CD109: variants seen among roughly 807,000 people sequenced by gnomAD.
CD109 encodes the protein CD109 molecule, also known as CD109 antigen.
CD109 carries 149 observed loss-of-function variants against 165.8 expected under a neutral mutation model. The observed-to-expected ratio is 0.90, with a 90% CI of 0.79 to 1.03. The LOEUF (loss-of-function observed/expected upper bound fraction) is 1.03. Ranked by LOEUF, CD109 falls within the 50% of genes least tolerant of loss-of-function variation. The probability of loss-of-function intolerance (pLI) is 0.00; values close to 1 mark genes in which losing one functional copy is unlikely to be tolerated. For missense variants in CD109, 1,712 were observed against 1,677.8 expected (o/e 1.02, Z -0.36); for synonymous variants, 585 against 592.1 (o/e 0.99, Z 0.18).
rs746501980 is a variant in CD109, at chr6:73,730,499, A to T, written c.432A>T (p.Gln144His). Residue 144 changes from glutamine (Q) to histidine (H), a missense_variant, in exon 4 of 33, where the codon CAA becomes CAT. Gln to His is a conservative substitution (Grantham distance 24). Coordinates refer to ENST00000287097, the MANE Select transcript of CD109 (RefSeq NM_133493.5). ...ACAAGGCCTTATACAAGCCAAAGCAAGAAGTGAAGTTTCGCATTGTTACAC... is the reference window on the plus strand; with the variant it reads ...ACAAGGCCTTATACAAGCCAAAGCATGAAGTGAAGTTTCGCATTGTTACAC... ...QTDKALYKPK[Q>H]EVKFRIVTLF... 11 of 1,614,220 alleles carry T rather than the reference A, an allele frequency of 6.8e-6. No homozygotes were observed. Among genetic ancestry groups the T allele is most frequent in the Non-Finnish European group, 1.7e-6 (2 of 1,180,026 alleles).
At chr6:73,779,309 C>T (rs1189997523) in intron 15 of CD109, among the ~76,000 whole-genome samples, 3 of 149,102 alleles carry the variant, frequency 2.0e-5, no homozygotes, top group Non-Finnish European at 3.0e-5. Context: ...AGTGCAATAG[C>T]GCGATCTTGG....
chr6:73,810,957 A>C, intron 27 of CD109, 35 bp from the exon 28 acceptor site: 1 of 1,592,618 alleles, frequency 6.3e-7, no homozygotes, highest in Non-Finnish European at 8.6e-7. Flanking sequence ...CTTGATATAT[A>C]CTTATATGTA....
Position 73,823,565 on chromosome 6 carries a change from C to T in CD109, c.4270C>T (p.His1424Tyr). 6.2e-7 allele frequency: 1 copy of T among 1,613,800 alleles called. No individual in the cohort carries two copies. Among genetic ancestry groups the T allele is most frequent in the Non-Finnish European group, 8.5e-7 (1 of 1,179,852 alleles). The change falls in exon 33 of 33, where the codon CAT (histidine) becomes TAT (tyrosine). Residue 1424 changes from histidine (H) to tyrosine (Y), a missense_variant. By Grantham distance (83) the His-to-Tyr change is moderately conservative. Coordinates refer to ENST00000287097, the MANE Select transcript of CD109 (RefSeq NM_133493.5). ...RPCEDGASGS[H>Y]HHSSVIFIFC... Reference sequence around the variant, plus strand: ...TTGTGAGGATGGAGCTTCAGGCTCCCATCATCACTCTTCAGTCATTTTTAT... The same window carrying T: ...TTGTGAGGATGGAGCTTCAGGCTCCTATCATCACTCTTCAGTCATTTTTAT...
intron 22 of CD109, among the ~76,000 whole-genome samples, chr6:73,790,097 TC>T (rs904684899): frequency 2.4e-5 from 3 of 123,464 alleles, no homozygotes; most frequent in Admixed American, 8.3e-5. Flanking sequence ...ATGCTAAAAG[TC>T]CTTTTTTTTT....
chr6:73,807,910 G>A (rs562344275), intron 25 of CD109, among the ~76,000 whole-genome samples, 173 bp from the exon 26 acceptor site: 1 of 152,236 alleles, frequency 6.6e-6, no homozygotes, highest in Admixed American at 6.5e-5. Context: ...CAAAATGCAT[G>A]GCAAATCTTT....
At position 73,785,461 on chromosome 6, in the gene CD109, T is replaced by G. The variant is rs1774652086; in HGVS notation, c.2321T>G (p.Leu774Trp). ...TTGGAAATAACTATATTCAATTATT[T>G]GAAAGATGCCACTGAGGTAATGTAT... ...FALEITIFNYLKDATEVKVII... is the reference protein window; with the variant it reads ...FALEITIFNYWKDATEVKVII... Residue 774 changes from leucine to tryptophan, a missense_variant, in exon 20 of 33, where the codon TTG becomes TGG. By Grantham distance (61) the Leu-to-Trp change is moderately conservative. Coordinates refer to ENST00000287097, the MANE Select transcript of CD109 (RefSeq NM_133493.5). 1 of 1,562,218 alleles carries G rather than the reference T, an allele frequency of 6.4e-7. No individual in the cohort carries two copies. The highest frequency in any genetic ancestry group is 1.1e-5 in the South Asian group (1 of 87,866).
intron 10 of CD109, among the ~76,000 whole-genome samples, chr6:73,765,248 T>C (rs1229751423): frequency 1.3e-5 from 2 of 151,586 alleles, no homozygotes; most frequent in Admixed American, 1.3e-4. Flanking sequence ...AGGATGGCTG[T>C]AGCCCAGGAG....
chr6:73,770,474 G>T (rs546927450), intron 14 of CD109, among the ~76,000 whole-genome samples: 1 of 152,326 alleles, frequency 6.6e-6, no homozygotes, highest in East Asian at 1.9e-4. Context: ...GCCAGGCACT[G>T]TGGCTCACGC....
At chr6:73,750,560 C>T (rs762660800) in intron 5 of CD109, among the ~76,000 whole-genome samples, 2 of 151,964 alleles carry the variant, frequency 1.3e-5, no homozygotes, top group East Asian at 3.9e-4. Context: ...GAGGCAGAAT[C>T]GAGATTTCAA....
Position 73,808,266 on chromosome 6 carries a change from C to G in CD109, c.3355+18C>G. ...ACAAGAAGGTAATGTGCTGGGCCCA[C>G]TTGAGGTTGTTATGCTTTATGAAAT... On this transcript the variant is annotated intron_variant, in intron 26 of 32. Coordinates refer to ENST00000287097, the MANE Select transcript of CD109 (RefSeq NM_133493.5). 5.0e-6 allele frequency: 8 copies of G among 1,592,792 alleles called. No homozygotes were observed. Among genetic ancestry groups the G allele is most frequent in the Non-Finnish European group, 6.8e-6 (8 of 1,172,486 alleles).
the CD109 span, among the ~76,000 whole-genome samples, chr6:73,687,463 C>T: frequency 7.3e-6 from 1 of 137,722 alleles, no homozygotes; most frequent in East Asian, 2.5e-4. Context: ...CCCTTCCCTA[C>T]CCTCCCCTCC....
At chr6:73,708,913 T>C (rs913668257) in intron 2 of CD109, among the ~76,000 whole-genome samples, 1 of 152,228 alleles carries the variant, frequency 6.6e-6, no homozygotes, top group Non-Finnish European at 1.5e-5. Flanking sequence ...CTTTGTCAGA[T>C]GAGTAGGTTG....
At position 73,782,831 on chromosome 6, in the gene CD109, A is replaced by G. The variant is rs1037597329; in HGVS notation, c.2105+76A>G. 2.8e-6 allele frequency: 4 copies of G among 1,424,680 alleles called. No homozygotes were observed. The African/African-American group carries it at 5.7e-5, about 20-fold the overall frequency. The allele number at this position is 1,424,680 out of a possible 1,614,324, so 88.3% of individuals were successfully genotyped here. A position where few individuals can be genotyped will look rare whatever the true frequency, so the allele number is the denominator to read the frequency against. ...TTTAAATAAGCTTTGCCCGCTTTCTAATGTTTAAGTACAAACATAGTGTAA... is the reference window on the plus strand; with the variant it reads ...TTTAAATAAGCTTTGCCCGCTTTCTGATGTTTAAGTACAAACATAGTGTAA... On this transcript the variant is annotated intron_variant, in intron 18 of 32. Transcript: ENST00000287097.
intron 5 of CD109, among the ~76,000 whole-genome samples, chr6:73,744,909 C>T (rs1272491277): frequency 6.6e-6 from 1 of 152,084 alleles, no homozygotes; most frequent in Non-Finnish European, 1.5e-5. Flanking sequence ...GATAGGGACT[C>T]AGTGCTATAG....
intron 30 of CD109, 23 bp from the exon 31 acceptor site, chr6:73,818,365 T>C (rs1776005890): frequency 6.2e-7 from 1 of 1,613,276 alleles, no homozygotes; most frequent in African/African-American, 1.3e-5. Context: ...GGAGTTTTCA[T>C]TCATCCTCCC....
chr6:73,751,634 A>G (rs80291909), intron 5 of CD109, among the ~76,000 whole-genome samples: 110 of 152,228 alleles, frequency 7.2e-4, no homozygotes, highest in African/African-American at 2.4e-3. Flanking sequence ...TACCCTTTAG[A>G]GTTTTCAGGT....
chr6:73,802,305 A>ATATATATATATATT (rs1554183463), intron 23 of CD109, among the ~76,000 whole-genome samples: 1 of 47,630 alleles, frequency 2.1e-5, no homozygotes, highest in African/African-American at 8.5e-5. Flanking sequence ...ATATATATAT[A>ATATATATATATATT]TTTTTTTTTT....
chr6:73,781,033 G>T (rs139767889), intron 16 of CD109, among the ~76,000 whole-genome samples: 5 of 149,698 alleles, frequency 3.3e-5, no homozygotes, highest in African/African-American at 1.2e-4. Flanking sequence ...GAGTGAGAAA[G>T]ATCGATGGGC....
intron 2 of CD109, among the ~76,000 whole-genome samples, chr6:73,702,892 A>G (rs1169374943): frequency 2.0e-5 from 3 of 152,264 alleles, no homozygotes; most frequent in Non-Finnish European, 4.4e-5. Context: ...GTCAAAGGCA[A>G]TTATTAATCA....
Sources: gnomAD v4.1 joint callset for allele counts (sites outside exome capture counted in the v4.1 genomes callset) on GRCh38, gnomAD v4.1.1 for gene constraint, MANE v1.5 for transcripts, NCBI Gene and HGNC (gene_info 2026-07-23, HGNC 2026-07-21) for gene names.